DPP6: variants seen among roughly 807,000 people sequenced by gnomAD.
DPP6 encodes dipeptidyl peptidase like 6, also known as A-type potassium channel modulatory protein DPP6.
Under a neutral mutation model 122.6 loss-of-function variants are expected in DPP6, and 69 were observed. The observed-to-expected ratio is 0.56, with a 90% CI of 0.46 to 0.69. DPP6 has a LOEUF of 0.69. Ranked by LOEUF, DPP6 falls within the 30% of genes least tolerant of loss-of-function variation. The pLI is 0.00. For missense variants in DPP6, 928 were observed against 1,116.9 expected, an observed-to-expected ratio of 0.83 and a Z score of 2.41; for synonymous variants, 418 against 433.1, an observed-to-expected ratio of 0.97 and a Z score of 0.43.
intron 1 of DPP6, among the ~76,000 whole-genome samples, chr7:154,279,505 G>A (rs752619855): frequency 6.6e-6 from 1 of 152,318 alleles, no homozygotes; most frequent in East Asian, 1.9e-4. Context: ...TGGAACATAG[G>A]CATCTCAGTA....
chr7:154,707,529 C>T (rs1840902971), intron 7 of DPP6, among the ~76,000 whole-genome samples: 1 of 152,158 alleles, frequency 6.6e-6, no homozygotes, highest in Non-Finnish European at 1.5e-5. Context: ...TGAGCCCTTG[C>T]ATGCCAACTG....
chr7:154,827,281 C>T (rs1217592605), intron 16 of DPP6, among the ~76,000 whole-genome samples: 2 of 151,936 alleles, frequency 1.3e-5, no homozygotes, highest in Non-Finnish European at 2.9e-5. Context: ...CATTCTCATC[C>T]TCTTTCTTAT....
At position 154,804,392 on chromosome 7, in the gene DPP6, G is replaced by A. The variant is rs115139981; in HGVS notation, c.1499+437G>A. Among the ~76,000 whole-genome samples the A allele has an allele frequency of 9.2e-3, 1,408 of 152,322 alleles. 25 individuals are homozygous for A. Among genetic ancestry groups the A allele is most frequent in the African/African-American group, 0.032 (1,350 of 41,572 alleles). On this transcript the variant is annotated intron_variant, in intron 14 of 25. Transcript: ENST00000377770. Reference sequence around the variant, plus strand: ...TAATTTGCTCCAGGTTATTCAGTTGGTAGCGGGTAGATTTGGCTCAGATGA... The same window carrying A: ...TAATTTGCTCCAGGTTATTCAGTTGATAGCGGGTAGATTTGGCTCAGATGA...
At chr7:154,438,258 G>C (rs1408045400) in intron 1 of DPP6, among the ~76,000 whole-genome samples, 3 of 151,964 alleles carry the variant, frequency 2.0e-5, no homozygotes. Flanking sequence ...ACAAGGTCAG[G>C]AGATCGAGAC....
At chr7:153,973,319 G>A (rs1240325344) in intron 1 of DPP6, among the ~76,000 whole-genome samples, 7 of 152,166 alleles carry the variant, frequency 4.6e-5, no homozygotes. Flanking sequence ...TTGTGGTGTG[G>A]CATGAGACAC....
the DPP6 span, among the ~76,000 whole-genome samples, chr7:153,815,294 A>G: frequency 6.6e-6 from 1 of 152,166 alleles, no homozygotes; most frequent in Non-Finnish European, 1.5e-5. Flanking sequence ...CAAAAATCAC[A>G]AGCATTCTTA....
At chr7:153,819,040 G>A in the DPP6 span, among the ~76,000 whole-genome samples, 19 of 126,454 alleles carry the variant, frequency 1.5e-4, no homozygotes, top group African/African-American at 4.7e-4. Flanking sequence ...ATGAGCCACC[G>A]CGCCTGGCCT....
intron 1 of DPP6, among the ~76,000 whole-genome samples, chr7:154,312,306 G>C (rs1306711554): frequency 6.6e-6 from 1 of 152,210 alleles, no homozygotes; most frequent in Non-Finnish European, 1.5e-5. Flanking sequence ...CACAGGCATG[G>C]AGTCAGTGCT....
chr7:154,247,193 G>A (rs1802036955), intron 1 of DPP6, among the ~76,000 whole-genome samples: 1 of 152,082 alleles, frequency 6.6e-6, no homozygotes, highest in Non-Finnish European at 1.5e-5. Flanking sequence ...TGTGCCTGTA[G>A]TTTCAGCTAC....
At chr7:154,619,122 A>G (rs1338304948) in intron 5 of DPP6, among the ~76,000 whole-genome samples, 3 of 152,186 alleles carry the variant, frequency 2.0e-5, no homozygotes, top group Admixed American at 6.5e-5. Flanking sequence ...CTCCCCAGCC[A>G]TGTGGAACTG....
chr7:154,488,012 C>T (rs1438610013), intron 3 of DPP6, among the ~76,000 whole-genome samples: 1 of 152,024 alleles, frequency 6.6e-6, no homozygotes, highest in Non-Finnish European at 1.5e-5. Context: ...ATCATAGTTC[C>T]CTCATAGGTC....
the DPP6 span, among the ~76,000 whole-genome samples, chr7:153,803,081 G>A: frequency 6.6e-6 from 1 of 151,644 alleles, no homozygotes; most frequent in Admixed American, 6.6e-5. Flanking sequence ...CCCAACAACA[G>A]CTCACAAGGC....
At chr7:154,868,718 G>C (rs1049931613) in intron 18 of DPP6, among the ~76,000 whole-genome samples, 2 of 152,172 alleles carry the variant, frequency 1.3e-5, no homozygotes, top group South Asian at 4.1e-4. Flanking sequence ...CAGAGCCTCG[G>C]AGCCTCAACT....
At chr7:154,127,652 G>GACACACACACACAGACACACACACAC (rs1808025646) in intron 1 of DPP6, among the ~76,000 whole-genome samples, 2 of 79,104 alleles carry the variant, frequency 2.5e-5, no homozygotes, top group Admixed American at 1.4e-4. Flanking sequence ...CACACACACA[G>GACACACACACACAGACACACACACAC]ACACACACAC....
intron 1 of DPP6, among the ~76,000 whole-genome samples, chr7:154,247,650 G>A (rs1052847579): frequency 1.3e-5 from 2 of 152,060 alleles, no homozygotes; most frequent in Admixed American, 6.5e-5. Flanking sequence ...CATTCTTGGT[G>A]GGAGAGAGCT....
chr7:154,626,792 T>C (rs566705700), intron 5 of DPP6, among the ~76,000 whole-genome samples: 4 of 152,320 alleles, frequency 2.6e-5, no homozygotes, highest in East Asian at 3.9e-4. Context: ...CTGACAACTG[T>C]ATGTCTTCTA....
chr7:153,928,844 T>C (rs1180686924), intron 1 of DPP6, among the ~76,000 whole-genome samples: 1 of 152,168 alleles, frequency 6.6e-6, no homozygotes, highest in Non-Finnish European at 1.5e-5. Flanking sequence ...TAGAAGGGTA[T>C]AGTTGAGAGA....
intron 7 of DPP6, among the ~76,000 whole-genome samples, chr7:154,714,833 T>C (rs1586942286): frequency 6.6e-6 from 1 of 152,338 alleles, no homozygotes; most frequent in East Asian, 1.9e-4. Flanking sequence ...GAAAATGTCA[T>C]GTATTTTGTA....
At chr7:154,503,962 TG>T (rs1228606171) in intron 3 of DPP6, among the ~76,000 whole-genome samples, 3 of 152,086 alleles carry the variant, frequency 2.0e-5, no homozygotes, top group Non-Finnish European at 4.4e-5. Flanking sequence ...TAAAAGTTGA[TG>T]AAAAAAAACC....
Sources: gnomAD v4.1 joint callset for allele counts (sites outside exome capture counted in the v4.1 genomes callset) on GRCh38, gnomAD v4.1.1 for gene constraint, MANE v1.5 for transcripts, NCBI Gene and HGNC (gene_info 2026-07-23, HGNC 2026-07-21) for gene names.